The following EPHA6 variants were observed in gnomAD, a reference collection of about 807,000 sequenced individuals.
EPHA6 encodes EPH receptor A6, also known as ephrin type-A receptor 6.
EPHA6 carries 50 observed loss-of-function variants against 112.0 expected under a neutral mutation model. That is an observed-to-expected ratio of 0.45 (90% confidence interval 0.36 to 0.56). The LOEUF is 0.56. EPHA6 is among the 20% of genes least tolerant of loss of function. EPHA6 has a pLI of 0.00. For missense variants in EPHA6, 1,280 were observed against 1,417.4 expected (o/e 0.90, Z 1.56); for synonymous variants, 529 against 490.7 (o/e 1.08, Z -1.03).
intron 7 of EPHA6, among the ~76,000 whole-genome samples, chr3:97,458,116 A>G (rs2090761520): frequency 6.7e-6 from 1 of 149,996 alleles, no homozygotes; most frequent in Non-Finnish European, 1.5e-5. Context: ...TTCATGTTAC[A>G]CTTTACTTTT....
At chr3:97,624,801 A>AT (rs749315352) in intron 13 of EPHA6, among the ~76,000 whole-genome samples, 31 of 151,240 alleles carry the variant, frequency 2.0e-4, no homozygotes, top group Admixed American at 2.6e-4. Flanking sequence ...GTTCCTAGGA[A>AT]TTTTTCCATT....
chr3:97,155,077 G>A (rs562382985), intron 3 of EPHA6, among the ~76,000 whole-genome samples: 1 of 151,910 alleles, frequency 6.6e-6, no homozygotes, highest in Non-Finnish European at 1.5e-5. Flanking sequence ...TTTTGCAATA[G>A]CTAAGAGATA....
intron 3 of EPHA6, among the ~76,000 whole-genome samples, chr3:97,212,527 A>C (rs1024109651): frequency 1.3e-5 from 2 of 152,182 alleles, no homozygotes; most frequent in East Asian, 3.9e-4. Flanking sequence ...CTTCCAGAAC[A>C]GAAATGCTTA....
intron 14 of EPHA6, among the ~76,000 whole-genome samples, chr3:97,661,893 A>G (rs1349986100): frequency 6.6e-6 from 1 of 152,176 alleles, no homozygotes; most frequent in African/African-American, 2.4e-5. Flanking sequence ...TGATTGGCAT[A>G]TACAAAATCT....
At chr3:97,721,772 C>A (rs148301723) in intron 15 of EPHA6, among the ~76,000 whole-genome samples, 51 of 152,346 alleles carry the variant, frequency 3.3e-4, no homozygotes, top group African/African-American at 1.2e-3. Flanking sequence ...CTCTTCCCTG[C>A]CATTGGGCTT....
At chr3:96,941,559 C>T (rs547176390) in intron 2 of EPHA6, among the ~76,000 whole-genome samples, 3 of 152,296 alleles carry the variant, frequency 2.0e-5, no homozygotes, top group Middle Eastern at 3.4e-3. Flanking sequence ...TCCTGTAGCT[C>T]GGAGTAGTTT....
intron 14 of EPHA6, among the ~76,000 whole-genome samples, chr3:97,676,476 A>C (rs1478263225): frequency 1.3e-5 from 2 of 152,206 alleles, no homozygotes; most frequent in Non-Finnish European, 2.9e-5. Context: ...TGGAAAAATG[A>C]GTGTATTCAC....
chr3:97,088,815 C>T (rs1274737018), intron 3 of EPHA6, among the ~76,000 whole-genome samples: 1 of 152,068 alleles, frequency 6.6e-6, no homozygotes, highest in African/African-American at 2.4e-5. Flanking sequence ...AAATGTTGGT[C>T]ACTCTACCAG....
At chr3:97,476,930 A>G (rs1256621243) in intron 8 of EPHA6, among the ~76,000 whole-genome samples, 2 of 152,130 alleles carry the variant, frequency 1.3e-5, no homozygotes, top group Non-Finnish European at 2.9e-5. Flanking sequence ...GGGGGTGATT[A>G]GCTGATAGAA....
chr3:97,434,463 A>G (rs544639784), intron 6 of EPHA6, among the ~76,000 whole-genome samples: 1 of 152,316 alleles, frequency 6.6e-6, no homozygotes, highest in East Asian at 1.9e-4. Flanking sequence ...CAGGCTAAAA[A>G]GTCATACGTC....
At chr3:97,594,670 AG>A (rs1439540247) in intron 12 of EPHA6, among the ~76,000 whole-genome samples, 1 of 152,198 alleles carries the variant, frequency 6.6e-6, no homozygotes, top group Non-Finnish European at 1.5e-5. Context: ...TTGTGTAAAG[AG>A]GAATGAAGCA....
chr3:97,481,229 A>G, intron 9 of EPHA6: 2 of 1,353,266 alleles, frequency 1.5e-6, no homozygotes, highest in Non-Finnish European at 2.1e-6. Flanking sequence ...CTCCATTACT[A>G]TTTGGACTTT....
intron 6 of EPHA6, among the ~76,000 whole-genome samples, chr3:97,409,172 A>G (rs2107102654): frequency 6.6e-6 from 1 of 152,218 alleles, no homozygotes; most frequent in East Asian, 1.9e-4. Context: ...GTTCATAAGA[A>G]AGACCTATAC....
intron 3 of EPHA6, among the ~76,000 whole-genome samples, chr3:97,214,038 T>TGTGTGTGTGTGTGTGTGAGAGAGAGA (rs1491420279): frequency 1.3e-5 from 1 of 77,784 alleles, no homozygotes; most frequent in African/African-American, 3.5e-5. Flanking sequence ...TGTGTGTGTG[T>TGTGTGTGTGTGTGTGTGAGAGAGAGA]GAGAGAGAGA....
At chr3:96,861,790 A>G (rs2036022991) in intron 1 of EPHA6, among the ~76,000 whole-genome samples, 1 of 152,034 alleles carries the variant, frequency 6.6e-6, no homozygotes, top group South Asian at 2.1e-4. Flanking sequence ...CAAATAATTG[A>G]TCTCAGGTTC....
At chr3:97,747,178 T>C (rs374224975) in intron 16 of EPHA6, among the ~76,000 whole-genome samples, 47 of 151,990 alleles carry the variant, frequency 3.1e-4, no homozygotes, top group East Asian at 5.8e-4. Flanking sequence ...AAAAGATCAA[T>C]GTAAGTCCCA....
chr3:97,653,044 T>C (rs1474154350), intron 14 of EPHA6, among the ~76,000 whole-genome samples: 1 of 151,838 alleles, frequency 6.6e-6, no homozygotes, highest in Non-Finnish European at 1.5e-5. Flanking sequence ...AAACATACAG[T>C]TAGTTTGGGG....
rs78918131 is a variant in EPHA6 at position 97,181,441 on chromosome 3, C to G, written c.1115-44823C>G. Among the ~76,000 whole-genome samples, 82 of 152,192 alleles carry G rather than the reference C, an allele frequency of 5.4e-4. 1 individual carries two copies. The East Asian group carries it at 0.015, about 29-fold the overall frequency. On this transcript the variant is annotated intron_variant, in intron 3 of 17. Transcript: ENST00000389672. ...ATCACTGGAATTTTCTATTTCACAT[C>G]TTTCTCTGCCCTCCTCCCTTTCCTT...
intron 5 of EPHA6, among the ~76,000 whole-genome samples, chr3:97,330,475 G>T (rs2082729992): frequency 6.6e-6 from 1 of 152,034 alleles, no homozygotes; most frequent in Non-Finnish European, 1.5e-5. Flanking sequence ...CCATTTATTT[G>T]TATCCTCTTT....
Sources: gnomAD v4.1 joint callset for allele counts (sites outside exome capture counted in the v4.1 genomes callset) on GRCh38, gnomAD v4.1.1 for gene constraint, MANE v1.5 for transcripts, NCBI Gene and HGNC (gene_info 2026-07-23, HGNC 2026-07-21) for gene names.